PLD1: variants seen among roughly 807,000 people sequenced by gnomAD.
The protein encoded by PLD1 is phospholipase D1.
In PLD1, 112 loss-of-function variants were observed where a neutral mutation model predicts 137.1. The ratio of observed to expected loss-of-function variants is 0.82; its 90% CI spans 0.70 to 0.96. The LOEUF (loss-of-function observed/expected upper bound fraction) is 0.96, where lower values mean the gene tolerates loss of function less well. PLD1 is among the 40% of genes least tolerant of loss of function. PLD1 has a pLI of 0.00. For synonymous variants in PLD1, 431 were observed against 454.7 expected (o/e 0.95, Z 0.66); for missense variants, 1,321 against 1,342.0 (o/e 0.98, Z 0.24).
At chr3:171,673,241 C>T (rs1489152507) in intron 19 of PLD1, among the ~76,000 whole-genome samples, 1 of 141,018 alleles carries the variant, frequency 7.1e-6, no homozygotes, top group African/African-American at 2.6e-5. Context: ...TCTTTTTAGC[C>T]TGGGATGACT....
In PLD1 at chr3:171,612,362, AT is replaced by A; in HGVS notation, c.2798del (p.Asp933ValfsTer8). 1 of 1,614,056 alleles carries A rather than the reference AT, an allele frequency of 6.2e-7. No individual in the cohort carries two copies. The highest frequency in any genetic ancestry group is 8.5e-7 in the Non-Finnish European group (1 of 1,179,916). On this transcript the variant is annotated frameshift_variant, in exon 25 of 27. Transcript: ENST00000351298. LOFTEE classifies it high-confidence loss of function. The surrounding 1 kb of genome is among the most constrained non-coding windows in gnomAD (Gnocchi z 4.1). ...CCATTACTGAAGGAACAGTCTCTGT[AT>A]CTTGCACAATGACAGCCATTTCACT... is the stretch of plus-strand genomic sequence containing the variant. ...RDSEMAVIVQDTETVPSVMDG... is the reference protein window; with the variant it reads ...RDSEMAVIVQXTETVPSVMDG...
At chr3:171,671,612 G>T (rs889927764) in intron 19 of PLD1, among the ~76,000 whole-genome samples, 3 of 151,936 alleles carry the variant, frequency 2.0e-5, no homozygotes, top group African/African-American at 7.3e-5. Context: ...TGGTCTCAAG[G>T]TATTTGTTTG....
intron 12 of PLD1, among the ~76,000 whole-genome samples, chr3:171,697,243 T>TTTG (rs757364293): frequency 0.21 from 27,459 of 127,738 alleles, 3,173 homozygotes; most frequent in Admixed American, 0.27. Flanking sequence ...ACACCTTTTT[T>TTTG]TTTTTTTTTT....
At chr3:171,737,800 A>G in intron 2 of PLD1, 92 bp downstream of exon 2, 1 of 1,442,140 alleles carries the variant, frequency 6.9e-7, no homozygotes, top group East Asian at 2.3e-5. Context: ...TCTGCAAGGA[A>G]AATCAATCAT....
intron 16 of PLD1, among the ~76,000 whole-genome samples, chr3:171,680,854 T>C (rs1214921901): frequency 6.6e-6 from 1 of 152,194 alleles, no homozygotes; most frequent in Non-Finnish European, 1.5e-5. Flanking sequence ...GATTCTGCTT[T>C]TGGAAAAAGT....
intron 16 of PLD1, among the ~76,000 whole-genome samples, chr3:171,682,108 AAAAG>A (rs61458676): frequency 0.045 from 4,490 of 99,062 alleles, 141 homozygotes; most frequent in South Asian, 0.063. Context: ...TACAGAAAGA[AAAAG>A]AAAGAAAGAA....
intron 1 of PLD1, chr3:171,792,673 AAC>A (rs1560306007): frequency 2.2e-6 from 1 of 456,696 alleles, no homozygotes; most frequent in South Asian, 1.5e-5. Context: ...GTCACAGAGA[AAC>A]ACAGTAAATT....
At chr3:171,687,106 G>A (rs1490427848) in intron 15 of PLD1, among the ~76,000 whole-genome samples, 1 of 152,178 alleles carries the variant, frequency 6.6e-6, no homozygotes, top group African/African-American at 2.4e-5. Context: ...GCATATTTTA[G>A]AAACCCTTTG....
At chr3:171,770,917 C>G (rs1055948607) in intron 1 of PLD1, among the ~76,000 whole-genome samples, 10 of 136,140 alleles carry the variant, frequency 7.3e-5, no homozygotes, top group Non-Finnish European at 9.1e-5. Flanking sequence ...AAAAAGGGGG[C>G]GGGGGCAGGG....
chr3:171,676,705 A>G lies in PLD1; in HGVS notation c.2115+10T>C. On this transcript the variant is annotated intron_variant, in intron 18 of 26. Transcript: ENST00000351298. ...CATGTGGATAAATCATGATAGCAAC[A>G]TCCAAGTACTTTTGTGAAGTTCCAG... The G allele has an allele frequency of 6.2e-7, 1 of 1,601,550 alleles. No individual in the cohort carries two copies.
intron 16 of PLD1, among the ~76,000 whole-genome samples, chr3:171,686,123 C>CAAAAA (rs370165481): frequency 8.1e-5 from 6 of 74,374 alleles, no homozygotes; most frequent in Admixed American, 3.2e-4. Context: ...GACTCTATCT[C>CAAAAA]AAAAAAAAAA....
chr3:171,802,576 C>T (rs560475050), intron 1 of PLD1, among the ~76,000 whole-genome samples: 1 of 152,282 alleles, frequency 6.6e-6, no homozygotes, highest in South Asian at 2.1e-4. Flanking sequence ...AACAACCTTC[C>T]TAACAAACTC....
intron 16 of PLD1, 91 bp downstream of exon 16, chr3:171,686,594 A>G: frequency 1.4e-6 from 1 of 708,564 alleles, no homozygotes; most frequent in East Asian, 2.6e-5. Flanking sequence ...ACAGAAAGCC[A>G]ATCTGGAAAC....
chr3:171,783,725 C>T (rs1401435003), intron 1 of PLD1, among the ~76,000 whole-genome samples: 2 of 152,172 alleles, frequency 1.3e-5, no homozygotes, highest in Non-Finnish European at 1.5e-5. Context: ...TCACTACAAC[C>T]TCTGCCTCTC....
rs1368538775 is a variant in PLD1 at position 171,601,795 on chromosome 3, A to G, written c.*1283T>C. ...TACAGGCCTTTTGGTAACCCACATT[A>G]GCTCTTTAGACTGTCAGAGTTGTTC... is the stretch of plus-strand genomic sequence containing the variant. On this transcript the variant is annotated 3_prime_UTR_variant, in exon 27 of 27. Transcript: ENST00000351298. The G allele has an allele frequency of 6.6e-6, 1 of 152,212 alleles. No homozygotes were observed. The highest frequency in any genetic ancestry group is 1.5e-5 in the Non-Finnish European group (1 of 68,048). 9.4% of individuals were successfully genotyped at this position (152,212 alleles called of 1,614,324 possible). A position where few individuals can be genotyped will look rare whatever the true frequency, so the allele number is the denominator to read the frequency against.
At chr3:171,806,594 A>G (rs1723857295) in intron 1 of PLD1, among the ~76,000 whole-genome samples, 1 of 152,252 alleles carries the variant, frequency 6.6e-6, no homozygotes, top group African/African-American at 2.4e-5. Flanking sequence ...TCTTGTGAAC[A>G]CAATGACTCA....
intron 16 of PLD1, among the ~76,000 whole-genome samples, chr3:171,679,962 C>T (rs1440625629): frequency 6.6e-6 from 1 of 152,124 alleles, no homozygotes. Context: ...ATTGCACCTG[C>T]CTTGTCTTTT....
chr3:171,695,996 T>C (rs1004202711), intron 12 of PLD1, among the ~76,000 whole-genome samples: 33 of 152,204 alleles, frequency 2.2e-4, no homozygotes, highest in Non-Finnish European at 4.9e-4. Context: ...CCCACCACTT[T>C]GATAAGACTC....
intron 19 of PLD1, among the ~76,000 whole-genome samples, chr3:171,663,907 T>C (rs541413275): frequency 1.0e-3 from 154 of 152,318 alleles, no homozygotes; most frequent in African/African-American, 3.5e-3. Context: ...GTCTGCTGTA[T>C]ATAAAAGGCC....
Sources: allele counts gnomAD v4.1 joint callset (sites outside exome capture counted in the v4.1 genomes callset), GRCh38; gene constraint gnomAD v4.1.1; non-coding constraint Gnocchi (gnomAD v3.1); transcripts MANE v1.5; gene names NCBI Gene and HGNC (gene_info 2026-07-23, HGNC 2026-07-21).